The following FLRT2 variants were observed in gnomAD, a reference collection of about 807,000 sequenced individuals.
The protein encoded by FLRT2 is leucine-rich repeat transmembrane protein FLRT2.
A neutral mutation model predicts 40.0 loss-of-function variants in FLRT2; 15 were observed. The observed-to-expected ratio is 0.38, with a 90% CI of 0.25 to 0.58. The LOEUF (loss-of-function observed/expected upper bound fraction) is 0.58, where lower values mean the gene tolerates loss of function less well. FLRT2 is among the 20% of genes least tolerant of loss of function. The pLI, the probability that FLRT2 is intolerant of heterozygous loss-of-function variation, is 0.71. For synonymous variants in FLRT2, 380 were observed against 336.8 expected (o/e 1.13, Z -1.41); for missense variants, 726 against 840.0 (o/e 0.86, Z 1.68).
At chr14:85,569,811 T>C (rs899491309) in intron 1 of FLRT2, among the ~76,000 whole-genome samples, 36 of 152,200 alleles carry the variant, frequency 2.4e-4, no homozygotes, top group African/African-American at 8.4e-4. Context: ...TTTGGAGGGA[T>C]TTTGCATTAG....
chr14:85,594,727 A>T (rs1892055105), intron 1 of FLRT2, among the ~76,000 whole-genome samples: 1 of 152,132 alleles, frequency 6.6e-6, no homozygotes, highest in Non-Finnish European at 1.5e-5. Flanking sequence ...TACTTAATGG[A>T]GTTGACTCTT....
At chr14:85,610,634 T>C (rs1222774623) in intron 1 of FLRT2, among the ~76,000 whole-genome samples, 1 of 152,184 alleles carries the variant, frequency 6.6e-6, no homozygotes, top group Non-Finnish European at 1.5e-5. Flanking sequence ...CTCCCTTCCT[T>C]GTATCCTTGT....
intron 1 of FLRT2, chr14:85,561,024 T>G (rs1337127801): frequency 6.6e-6 from 1 of 152,204 alleles, no homozygotes; most frequent in African/African-American, 2.4e-5. Context: ...TAATTTTACC[T>G]TGTTAACGGC....
At position 85,627,738 on chromosome 14, in the gene FLRT2, T is replaced by C. The variant is rs1027031567; in HGVS notation, c.*4241T>C. 1.2e-5 allele frequency: 2 copies of C among 167,116 alleles called. No homozygotes were observed. Among genetic ancestry groups the C allele is most frequent in the African/African-American group, 4.8e-5 (2 of 41,452 alleles). The allele number at this position is 167,116 out of a possible 1,614,324, so 10.4% of individuals were successfully genotyped here. ...AGTTAACCTGATGATTTGTTATTGT[T>C]TGAACCATATGCTGATTTGCTTCTG... On this transcript the variant is annotated 3_prime_UTR_variant, in exon 2 of 2. Coordinates refer to ENST00000330753, the MANE Select transcript of FLRT2 (RefSeq NM_013231.6).
rs1893602472 is a variant in FLRT2 at position 85,624,791 on chromosome 14, T to G, written c.*1294T>G. 2 of 167,176 alleles carry G rather than the reference T, an allele frequency of 1.2e-5. No individual in the cohort carries two copies. Among genetic ancestry groups the G allele is most frequent in the Admixed American group, 1.3e-4 (2 of 15,314 alleles). The allele number at this position is 167,176 out of a possible 1,614,324, so 10.4% of individuals were successfully genotyped here. On this transcript the variant is annotated 3_prime_UTR_variant, in exon 2 of 2. Coordinates refer to ENST00000330753, the MANE Select transcript of FLRT2 (RefSeq NM_013231.6). Reference sequence around the variant, plus strand: ...ATACATTTTAAAATGAGTACTAATTTTCACTGCTAATAATTCTGTAAGGAC... The same window carrying G: ...ATACATTTTAAAATGAGTACTAATTGTCACTGCTAATAATTCTGTAAGGAC...
At chr14:85,530,844 T>C (rs2139788184) in intron 1 of FLRT2, among the ~76,000 whole-genome samples, 1 of 152,242 alleles carries the variant, frequency 6.6e-6, no homozygotes, top group East Asian at 1.9e-4. Flanking sequence ...GGGTTCTCAG[T>C]GCCCCTAACC....
At chr14:85,574,965 A>G in intron 1 of FLRT2, among the ~76,000 whole-genome samples, 1 of 152,232 alleles carries the variant, frequency 6.6e-6, no homozygotes, top group Admixed American at 6.5e-5. Flanking sequence ...ATTGTTCAAG[A>G]GCAAACCAGG....
chr14:85,578,631 C>A (rs1049325404), intron 1 of FLRT2, among the ~76,000 whole-genome samples: 16 of 152,064 alleles, frequency 1.1e-4, no homozygotes, highest in African/African-American at 3.9e-4. Context: ...ATCGTAGCAT[C>A]GTGGGGAGAT....
rs17094464 is a variant in FLRT2 at position 85,644,085 on chromosome 14, T to A, written c.*20588T>A. ...TGTAGTATCATTAACACTCACACAA[T>A]TCCCAGATTCAAGGTGCAGCAGTGG... is the stretch of plus-strand genomic sequence containing the variant. On this transcript the variant is annotated 3_prime_UTR_variant, in exon 2 of 2. Coordinates refer to ENST00000330753, the MANE Select transcript of FLRT2 (RefSeq NM_013231.6). 9.9e-5 allele frequency: 15 copies of A among 152,102 alleles called. No homozygotes were observed. The highest frequency in any genetic ancestry group is 3.6e-4 in the African/African-American group (15 of 41,506). 9.4% of individuals were successfully genotyped at this position (152,102 alleles called of 1,614,324 possible).
chr14:85,605,652 C>A (rs1260402067), intron 1 of FLRT2, among the ~76,000 whole-genome samples: 2 of 152,072 alleles, frequency 1.3e-5, no homozygotes, highest in South Asian at 2.1e-4. Flanking sequence ...CACCTGTAGT[C>A]CCAGCTACTC....
chr14:85,579,505 G>A (rs989252872), intron 1 of FLRT2, among the ~76,000 whole-genome samples: 1 of 152,102 alleles, frequency 6.6e-6, no homozygotes, highest in Non-Finnish European at 1.5e-5. Context: ...GCTGGAAAGT[G>A]TCGGAAAATT....
At chr14:85,547,056 A>C (rs778766263) in intron 1 of FLRT2, among the ~76,000 whole-genome samples, 1 of 151,606 alleles carries the variant, frequency 6.6e-6, no homozygotes, top group Admixed American at 6.6e-5. Context: ...CTTCCCTTTC[A>C]TCTTTCCTTT....
chr14:85,558,145 T>G (rs1890090598), intron 1 of FLRT2, among the ~76,000 whole-genome samples: 1 of 152,192 alleles, frequency 6.6e-6, no homozygotes, highest in South Asian at 2.1e-4. Context: ...TGTATTCTGT[T>G]TGCCCTTGGA....
At chr14:85,534,961 A>G (rs765406373) in intron 1 of FLRT2, among the ~76,000 whole-genome samples, 1 of 151,898 alleles carries the variant, frequency 6.6e-6, no homozygotes, top group Admixed American at 6.6e-5. Flanking sequence ...TGTGAATGGG[A>G]ATCAGTCTTC....
At position 85,652,218 on chromosome 14, in the gene FLRT2, A is replaced by T. The variant is rs1416135528; in HGVS notation, c.*28721A>T. 1 of 152,164 alleles carries T rather than the reference A, an allele frequency of 6.6e-6. No individual in the cohort carries two copies. The highest frequency in any genetic ancestry group is 1.9e-4 in the East Asian group (1 of 5,198). The allele number at this position is 152,164 out of a possible 1,614,324, so 9.4% of individuals were successfully genotyped here. A position where few individuals can be genotyped will look rare whatever the true frequency, so the allele number is the denominator to read the frequency against. On this transcript the variant is annotated 3_prime_UTR_variant, in exon 2 of 2. Transcript: ENST00000330753. ...CTGTTTTTAATGACCTTATTAGCTC[A>T]GATGATGTTTTAATGATTTGAGTTT...
At chr14:85,618,436 G>A (rs1226726396) in intron 1 of FLRT2, among the ~76,000 whole-genome samples, 2 of 152,068 alleles carry the variant, frequency 1.3e-5, no homozygotes, top group Non-Finnish European at 2.9e-5. Context: ...ATTATTAATA[G>A]CACCAAACTG....
intron 1 of FLRT2, among the ~76,000 whole-genome samples, chr14:85,582,699 T>A (rs1340942716): frequency 6.6e-6 from 1 of 152,058 alleles, no homozygotes; most frequent in Non-Finnish European, 1.5e-5. Context: ...TACTATAATA[T>A]GTATAATGGG....
chr14:85,604,463 C>T (rs531443584), intron 1 of FLRT2, among the ~76,000 whole-genome samples: 3 of 152,096 alleles, frequency 2.0e-5, no homozygotes, highest in African/African-American at 7.2e-5. Flanking sequence ...ACCATCTAGC[C>T]CAAGTCTTTG....
At chr14:85,619,845 T>C (rs1893302827) in intron 1 of FLRT2, among the ~76,000 whole-genome samples, 1 of 152,256 alleles carries the variant, frequency 6.6e-6, no homozygotes, top group Admixed American at 6.5e-5. Context: ...CAAGAAGGCA[T>C]GATTACTATC....
Sources: gnomAD v4.1 joint callset for allele counts (sites outside exome capture counted in the v4.1 genomes callset) on GRCh38, gnomAD v4.1.1 for gene constraint, MANE v1.5 for transcripts, NCBI Gene and HGNC (gene_info 2026-07-23, HGNC 2026-07-21) for gene names.